The following RPH3A variants were observed in gnomAD, a reference collection of about 807,000 sequenced individuals.
RPH3A encodes rabphilin 3A.
In RPH3A, 48 loss-of-function variants were observed where a neutral mutation model predicts 102.2. That is an observed-to-expected ratio of 0.47 (90% CI 0.37 to 0.60). The LOEUF (loss-of-function observed/expected upper bound fraction) is 0.60, where lower values mean the gene tolerates loss of function less well. Ranked by LOEUF, RPH3A falls within the 20% of genes least tolerant of loss-of-function variation. The probability of loss-of-function intolerance (pLI) is 0.00; values close to 1 mark genes in which losing one functional copy is unlikely to be tolerated. For synonymous variants in RPH3A, 310 were observed against 324.3 expected (o/e 0.96, Z 0.47); for missense variants, 781 against 910.1 (o/e 0.86, Z 1.83).
At chr12:112,871,216 A>G (rs1198057136) in intron 10 of RPH3A, among the ~76,000 whole-genome samples, 2 of 152,246 alleles carry the variant, frequency 1.3e-5, no homozygotes, top group Admixed American at 6.5e-5. Flanking sequence ...AAAATCTACC[A>G]TTTTAACCAT....
chr12:112,811,801 A>G (rs1488942278), intron 2 of RPH3A, among the ~76,000 whole-genome samples: 9 of 152,174 alleles, frequency 5.9e-5, no homozygotes, highest in Admixed American at 6.6e-5. Flanking sequence ...CATCATGACT[A>G]TATTGATTGC....
chr12:112,619,467 G>A (rs1384519434), intron 1 of RPH3A, among the ~76,000 whole-genome samples: 1 of 152,074 alleles, frequency 6.6e-6, no homozygotes, highest in Non-Finnish European at 1.5e-5. Context: ...ATTTTTAGTA[G>A]AGATGGGGTT....
intron 16 of RPH3A, among the ~76,000 whole-genome samples, chr12:112,886,224 T>C (rs2043000686): frequency 6.6e-6 from 1 of 152,024 alleles, no homozygotes; most frequent in South Asian, 2.1e-4. Flanking sequence ...CCCTTTCCTC[T>C]CTTAGTGTTT....
At chr12:112,735,167 C>T (rs1056070608) in intron 1 of RPH3A, among the ~76,000 whole-genome samples, 3 of 152,166 alleles carry the variant, frequency 2.0e-5, no homozygotes, top group Admixed American at 1.3e-4. Flanking sequence ...TCGGGAAAAT[C>T]GCCCAAGGAA....
chr12:112,776,707 T>C (rs1284998096), intron 1 of RPH3A, among the ~76,000 whole-genome samples: 1 of 151,688 alleles, frequency 6.6e-6, no homozygotes, highest in South Asian at 2.1e-4. Flanking sequence ...ACCCCGTCTC[T>C]ACTGAAAATA....
At chr12:112,693,378 T>G (rs1283397339) in intron 1 of RPH3A, among the ~76,000 whole-genome samples, 1 of 152,260 alleles carries the variant, frequency 6.6e-6, no homozygotes, top group Non-Finnish European at 1.5e-5. Context: ...CCACCTGTCA[T>G]AAAGCTCATC....
intron 1 of RPH3A, among the ~76,000 whole-genome samples, chr12:112,711,697 TG>T (rs1359129367): frequency 6.6e-6 from 1 of 152,246 alleles, no homozygotes; most frequent in African/African-American, 2.4e-5. Flanking sequence ...ACTGCTCTTC[TG>T]GGCATCTCAT....
intron 1 of RPH3A, among the ~76,000 whole-genome samples, chr12:112,780,614 A>C (rs970789007): frequency 2.6e-5 from 4 of 152,198 alleles, no homozygotes; most frequent in Non-Finnish European, 4.4e-5. Flanking sequence ...TTTGTTGAAC[A>C]CATGCTATTT....
intron 1 of RPH3A, among the ~76,000 whole-genome samples, chr12:112,694,878 G>C (rs115563615): frequency 6.6e-6 from 1 of 152,190 alleles, no homozygotes; most frequent in South Asian, 2.1e-4. Context: ...GTGAGGAAAA[G>C]TCTCTAAAAT....
At position 112,592,701 on chromosome 12, in the gene RPH3A, C is replaced by T. The variant is rs146187152; in HGVS notation, c.-140+17382C>T. The stretch of plus-strand genomic sequence containing the variant: ...TGCAGAACCTGCAGATACTGATGGC[C>T]GACTGTATATCCTGTTTGTGTGCTG... On this transcript the variant is annotated intron_variant, in intron 1 of 21. Transcript: ENST00000543106. 1.4e-4 allele frequency among the ~76,000 whole-genome samples: 21 copies of T among 152,298 alleles called. No individual in the cohort carries two copies. In the East Asian group the frequency reaches 1.9e-3, roughly 14 times the overall value.
Position 112,828,450 on chromosome 12 carries a change from T to G in RPH3A, c.71+61T>G, listed in dbSNP as rs1423403391. 6 of 1,250,086 alleles carry G rather than the reference T, an allele frequency of 4.8e-6. No homozygotes were observed. The African/African-American group carries it at 9.3e-5, about 19-fold the overall frequency. The allele number at this position is 1,250,086 out of a possible 1,614,324, so 77.4% of individuals were successfully genotyped here. A position where few individuals can be genotyped will look rare whatever the true frequency, so the allele number is the denominator to read the frequency against. ...TGAGTCGATGAGGTTTTGACAATTC[T>G]ACACTTGAAAAAAAGAAGGAATAGC... On this transcript the variant is annotated intron_variant, in intron 3 of 21. Coordinates refer to ENST00000389385, the MANE Select transcript of RPH3A (RefSeq NM_001143854.2).
At chr12:112,702,156 A>G (rs996596787) in intron 1 of RPH3A, among the ~76,000 whole-genome samples, 1 of 152,170 alleles carries the variant, frequency 6.6e-6, no homozygotes, top group Non-Finnish European at 1.5e-5. Context: ...GTTATTTTGT[A>G]TTTGTTTCCC....
intron 2 of RPH3A, among the ~76,000 whole-genome samples, chr12:112,825,938 A>T (rs897689349): frequency 2.0e-5 from 3 of 152,080 alleles, no homozygotes; most frequent in Non-Finnish European, 4.4e-5. Context: ...TCTAAAAAAT[A>T]CATATTTTAT....
intron 16 of RPH3A, among the ~76,000 whole-genome samples, chr12:112,884,300 C>T (rs1274986634): frequency 6.6e-6 from 1 of 152,170 alleles, no homozygotes; most frequent in African/African-American, 2.4e-5. Flanking sequence ...AAAGCACCCC[C>T]GATGCAAGTT....
At chr12:112,869,269 G>A (rs2042663530) in intron 8 of RPH3A, 1 of 155,930 alleles carries the variant, frequency 6.4e-6, no homozygotes, top group African/African-American at 2.4e-5. Flanking sequence ...GACAATTCCA[G>A]ATTGAGTGCA....
At chr12:112,647,573 G>A (rs1192224853) in intron 1 of RPH3A, among the ~76,000 whole-genome samples, 1 of 150,542 alleles carries the variant, frequency 6.6e-6, no homozygotes, top group Non-Finnish European at 1.5e-5. Context: ...ATCAACCAGG[G>A]TAATGGGGCT....
intron 10 of RPH3A, among the ~76,000 whole-genome samples, chr12:112,871,187 T>A (rs1007223820): frequency 6.6e-6 from 1 of 152,264 alleles, no homozygotes; most frequent in Non-Finnish European, 1.5e-5. Flanking sequence ...TTTTAATTGT[T>A]GTAAAATATA....
intron 6 of RPH3A, among the ~76,000 whole-genome samples, chr12:112,865,759 C>A (rs1457973280): frequency 6.7e-6 from 1 of 149,028 alleles, no homozygotes; most frequent in Admixed American, 6.6e-5. Flanking sequence ...TCTGAGCCTT[C>A]TGTCTCTTAG....
intron 7 of RPH3A, 132 bp downstream of exon 7, chr12:112,866,972 G>T: frequency 1.5e-6 from 1 of 645,844 alleles, no homozygotes; most frequent in South Asian, 1.9e-5. Context: ...CAGAGTATTT[G>T]GATGAATTAT....
Sources: gnomAD v4.1 joint callset for allele counts (sites outside exome capture counted in the v4.1 genomes callset) on GRCh38, gnomAD v4.1.1 for gene constraint, MANE v1.5 for transcripts, NCBI Gene and HGNC (gene_info 2026-07-23, HGNC 2026-07-21) for gene names.